Variants in CYP3A4 observed in about 807,000 individuals in gnomAD.
CYP3A4 encodes cytochrome P450 3A4.
CYP3A4 carries 41 observed loss-of-function variants against 54.9 expected under a neutral mutation model. The observed-to-expected ratio is 0.75, with a 90% CI of 0.58 to 0.97. The LOEUF (loss-of-function observed/expected upper bound fraction) is 0.97. CYP3A4 is among the 50% of genes least tolerant of loss of function. The pLI is 0.00. For missense variants in CYP3A4, 510 were observed against 597.3 expected (o/e 0.85, Z 1.52); for synonymous variants, 179 against 205.2 (o/e 0.87, Z 1.09).
Position 99,760,939 on chromosome 7 carries a change from G to A in CYP3A4, c.1296C>T (p.Tyr432=). The A allele has an allele frequency of 1.2e-6, 2 of 1,614,076 alleles. No homozygotes were observed. The highest frequency in any genetic ancestry group is 1.7e-6 in the Non-Finnish European group (2 of 1,179,970). ...TTCTGGGTCCACTTCCAAAGGGTGT[G>A]TATATGTAAGGATCTATGTTGTCCT... ...KNKDNIDPYI[Y]TPFGSGPRNC... is the part of the protein sequence containing the mutation. The change falls in exon 12 of 13, where the codon TAC becomes TAT. Residue 432 remains tyrosine (Y), a synonymous_variant. Coordinates refer to ENST00000651514, the MANE Select transcript of CYP3A4 (RefSeq NM_017460.6).
chr7:99,770,252 A>G lies in CYP3A4; in HGVS notation c.319-17T>C, dbSNP rs1387348572. ...ACCAAAAGGCTAGAGTTCAAAGCAG[A>G]AACATTTTGTCCTACATCAGTTGTG... On this transcript the variant is annotated splice_polypyrimidine_tract_variant and intron_variant, in intron 4 of 12. Coordinates refer to ENST00000651514, the MANE Select transcript of CYP3A4 (RefSeq NM_017460.6). 1.3e-6 allele frequency: 2 copies of G among 1,594,592 alleles called. No individual in the cohort carries two copies. The highest frequency in any genetic ancestry group is 1.7e-5 in the Admixed American group (1 of 59,948).
chr7:99,770,545 C>T (rs1451028724), intron 4 of CYP3A4, among the ~76,000 whole-genome samples: 2 of 152,086 alleles, frequency 1.3e-5, no homozygotes, highest in Non-Finnish European at 2.9e-5. Flanking sequence ...TCTTCCAGTA[C>T]AATAAACAGA....
chr7:99,779,431 G>C (rs1321323730), intron 2 of CYP3A4, among the ~76,000 whole-genome samples: 1 of 152,180 alleles, frequency 6.6e-6, no homozygotes, highest in Non-Finnish European at 1.5e-5. Flanking sequence ...CTGGGGTAGA[G>C]CCATGGAGAT....
At chr7:99,773,113 G>A (rs1183737539) in intron 3 of CYP3A4, among the ~76,000 whole-genome samples, 3 of 152,064 alleles carry the variant, frequency 2.0e-5, no homozygotes, top group African/African-American at 7.2e-5. Flanking sequence ...ATTACATAAT[G>A]GTGATGGGAT....
At chr7:99,764,939 G>T (rs1278825704) in intron 9 of CYP3A4, among the ~76,000 whole-genome samples, 2 of 152,150 alleles carry the variant, frequency 1.3e-5, no homozygotes, top group Non-Finnish European at 2.9e-5. Flanking sequence ...GATCAGGACT[G>T]GATTAGGACC....
chr7:99,759,767 A>G (rs1815269621), intron 12 of CYP3A4, among the ~76,000 whole-genome samples: 1 of 152,212 alleles, frequency 6.6e-6, no homozygotes. Flanking sequence ...TAGGAGGAGA[A>G]GACACTTTGG....
intron 3 of CYP3A4, 124 bp from the exon 4 acceptor site, chr7:99,772,813 T>C: frequency 1.0e-6 from 1 of 975,870 alleles, no homozygotes; most frequent in Non-Finnish European, 1.5e-6. Flanking sequence ...TACACAGTAA[T>C]CTTAGGTTCT....
At position 99,757,340 on chromosome 7, in the gene CYP3A4, T is replaced by G. The variant is rs1815199754; in HGVS notation, c.*793A>C. On this transcript the variant is annotated 3_prime_UTR_variant, in exon 13 of 13. Coordinates refer to ENST00000651514, the MANE Select transcript of CYP3A4 (RefSeq NM_017460.6). ...GAGTCCACCATGCCTAGCTAATTTG[T>G]GTATTTTTAGTAGAGATGGGGTTTC... The G allele has an allele frequency of 6.9e-6, 1 of 145,970 alleles. No individual in the cohort carries two copies. Among genetic ancestry groups the G allele is most frequent in the Non-Finnish European group, 1.5e-5 (1 of 67,842 alleles). The allele number at this position is 145,970 out of a possible 1,614,324, so 9.0% of individuals were successfully genotyped here.
In CYP3A4 at chr7:99,779,922, T is replaced by G. The variant is rs374584541; in HGVS notation, c.165+70A>C. On this transcript the variant is annotated intron_variant, in intron 2 of 12. Transcript: ENST00000651514. ...CAGACCTTCCCCCTGAGGAGAAGCA[T>G]TTTTACTGATGGAACTAAGCTGCTC... 7.1e-4 allele frequency: 1,028 copies of G among 1,453,924 alleles called. 13 individuals are homozygous for G. The South Asian group carries it at 0.011, about 15-fold the overall frequency. The allele number at this position is 1,453,924 out of a possible 1,614,324, so 90.1% of individuals were successfully genotyped here.
At chr7:99,782,662 T>C (rs1815956594) in intron 1 of CYP3A4, among the ~76,000 whole-genome samples, 1 of 152,180 alleles carries the variant, frequency 6.6e-6, no homozygotes, top group South Asian at 2.1e-4. Context: ...TTTGGAGTTC[T>C]ACCCTGAGGG....
In CYP3A4 at chr7:99,758,004, G is replaced by A. The variant is rs1815221284; in HGVS notation, c.*129C>T. ...AGCTCAATGCATGTACAGAATCCCC[G>A]GTTATTTATGCAGTCCATTGGATGA... On this transcript the variant is annotated 3_prime_UTR_variant, in exon 13 of 13. Transcript: ENST00000651514. 7 of 736,798 alleles carry A rather than the reference G, an allele frequency of 9.5e-6. No homozygotes were observed. Among genetic ancestry groups the A allele is most frequent in the South Asian group, 4.9e-5 (3 of 61,764 alleles). The allele number at this position is 736,798 out of a possible 1,614,324, so 45.6% of individuals were successfully genotyped here.
chr7:99,760,196 C>T (rs142375892), intron 12 of CYP3A4, among the ~76,000 whole-genome samples: 1 of 152,292 alleles, frequency 6.6e-6, no homozygotes, highest in African/African-American at 2.4e-5. Context: ...TGGAGCTAGG[C>T]ACCTGGAAGG....
In CYP3A4 at chr7:99,758,079, G is replaced by T; in HGVS notation, c.*54C>A. The T allele has an allele frequency of 2.1e-6, 3 of 1,401,656 alleles. No individual in the cohort carries two copies. The highest frequency in any genetic ancestry group is 1.4e-5 in the African/African-American group (1 of 70,642). 86.8% of individuals were successfully genotyped at this position (1,401,656 alleles called of 1,614,324 possible). ...ATTCACAAAGTAATTTGAGGTCTCT[G>T]GTGTTCTCAGGCACAGATTTCTTGA... On this transcript the variant is annotated 3_prime_UTR_variant, in exon 13 of 13. Transcript: ENST00000651514.
rs1043569086 is a variant in CYP3A4 at position 99,770,173 on chromosome 7, C to G, written c.381G>C (p.Lys127Asn). Residue 127 changes from lysine to asparagine, a missense_variant, in exon 5 of 13, where the codon AAG becomes AAC. Lys to Asn is a moderately conservative substitution (Grantham distance 94, BLOSUM62 0). This residue lies in a region of CYP3A4 where 272 missense variants were observed against 274.9 expected (regional missense o/e 0.99). Transcript: ENST00000651514. ...TTGGAGACAGCAATGATCGTAATCT[C>G]TTCCATTCTTCATCCTCAGCTATAG... ...AISIAEDEEW[K>N]RLRSLLSPTF... 1.2e-6 allele frequency: 2 copies of G among 1,613,702 alleles called. No homozygotes were observed. Among genetic ancestry groups the G allele is most frequent in the Admixed American group, 3.3e-5 (2 of 59,984 alleles).
intron 12 of CYP3A4, among the ~76,000 whole-genome samples, chr7:99,758,490 C>A (rs1815238055): frequency 6.6e-6 from 1 of 152,164 alleles, no homozygotes; most frequent in Non-Finnish European, 1.5e-5. Context: ...TGAGAGCATT[C>A]ATCATCTATC....
At chr7:99,783,150 T>C (rs571353211) in intron 1 of CYP3A4, among the ~76,000 whole-genome samples, 1 of 152,350 alleles carries the variant, frequency 6.6e-6, no homozygotes, top group East Asian at 1.9e-4. Flanking sequence ...ATATTTTCTA[T>C]TTTCCTGTCA....
Position 99,760,966 on chromosome 7 carries a change from G to A in CYP3A4, c.1269C>T (p.Asn423=). 4 of 1,613,160 alleles carry A rather than the reference G, an allele frequency of 2.5e-6. No individual in the cohort carries two copies. Among genetic ancestry groups the A allele is most frequent in the Non-Finnish European group, 3.4e-6 (4 of 1,179,700 alleles). ...KFLPERFSKK[N]KDNIDPYIYT... The stretch of plus-strand genomic sequence containing the variant: ...ATATGTAAGGATCTATGTTGTCCTT[G>A]TTCTTCTTGCTGAATCTGGTTCCAC... Residue 423 remains asparagine (N), a synonymous_variant, in exon 12 of 13, where the codon AAC becomes AAT. Transcript: ENST00000651514.
chr7:99,775,791 T>C (rs1244688273), intron 3 of CYP3A4, among the ~76,000 whole-genome samples: 1 of 152,168 alleles, frequency 6.6e-6, no homozygotes, highest in Non-Finnish European at 1.5e-5. Context: ...GGCAAAGGCT[T>C]CATAAATATA....
chr7:99,768,418 G>A lies in CYP3A4; in HGVS notation c.606C>T (p.Pro202=), dbSNP rs1223993603. ...AAAGCTTCTTGGTGTTTTCCACAAAGGGGTCTTGTGGATTGTTGAGAGAGT... is the reference window on the plus strand; with the variant it reads ...AAAGCTTCTTGGTGTTTTCCACAAAAGGGTCTTGTGGATTGTTGAGAGAGT... ...NIDSLNNPQD[P]FVENTKKLLR... The change falls in exon 7 of 13, where the codon CCC becomes CCT. Residue 202 remains proline, a synonymous_variant. Coordinates refer to ENST00000651514, the MANE Select transcript of CYP3A4 (RefSeq NM_017460.6). 1.9e-6 allele frequency: 3 copies of A among 1,613,954 alleles called. No homozygotes were observed. Among genetic ancestry groups the A allele is most frequent in the Non-Finnish European group, 2.5e-6 (3 of 1,179,974 alleles).
Sources: gnomAD v4.1 joint callset for allele counts (sites outside exome capture counted in the v4.1 genomes callset) on GRCh38, gnomAD v4.1.1 for gene constraint, gnomAD v4.1.1 regional missense constraint, MANE v1.5 for transcripts, NCBI Gene and HGNC (gene_info 2026-07-23, HGNC 2026-07-21) for gene names.